Variants in SPAG7 observed in about 807,000 individuals in gnomAD.
The protein encoded by SPAG7 is sperm-associated antigen 7.
A neutral mutation model predicts 30.6 loss-of-function variants in SPAG7; 20 were observed. The observed-to-expected ratio is 0.65, with a 90% CI of 0.46 to 0.95. SPAG7 has a LOEUF of 0.95. Among genes scored for constraint, SPAG7 ranks in the 40% least tolerant of loss-of-function variants. The probability of loss-of-function intolerance (pLI) is 0.00; values close to 1 mark genes in which losing one functional copy is unlikely to be tolerated. For missense variants in SPAG7, 276 were observed against 291.1 expected (o/e 0.95, Z 0.38); for synonymous variants, 127 against 104.2 (o/e 1.22, Z -1.33).
Position 4,960,560 on chromosome 17 carries a change from G to T in SPAG7, c.154-13C>A. The T allele has an allele frequency of 1.3e-6, 2 of 1,595,462 alleles. No homozygotes were observed. The highest frequency in any genetic ancestry group is 1.7e-6 in the Non-Finnish European group (2 of 1,167,464). The stretch of plus-strand genomic sequence containing the variant: ...CCTCCTTCTCCATCTTGGGAGAGGG[G>T]AAAGGAAGCAGATATGAGACAATGG... On this transcript the variant is annotated splice_polypyrimidine_tract_variant and intron_variant, in intron 2 of 6. Transcript: ENST00000206020.
At chr17:4,962,617 C>T (rs960498750) in intron 1 of SPAG7, among the ~76,000 whole-genome samples, 2 of 151,832 alleles carry the variant, frequency 1.3e-5, no homozygotes, top group Non-Finnish European at 2.9e-5. Flanking sequence ...TGAGGTCTCA[C>T]TATGTTGCCC....
Position 4,967,088 on chromosome 17 carries a change from G to C in SPAG7, c.85+632C>G, listed in dbSNP as rs1277433811. ...CGCAGGCGGAGACAGTGGCCAATCG[G>C]ACCCGGCGGGTATTCTCATCCCTCC... On this transcript the variant is annotated intron_variant, in intron 1 of 6. Transcript: ENST00000206020. The C allele has an allele frequency of 2.1e-5, 21 of 985,536 alleles. No homozygotes were observed. In the South Asian group the frequency reaches 8.8e-4, roughly 41 times the overall value. 61.0% of individuals were successfully genotyped at this position (985,536 alleles called of 1,614,324 possible).
At chr17:4,963,790 G>T (rs936297550) in intron 1 of SPAG7, among the ~76,000 whole-genome samples, 3 of 151,994 alleles carry the variant, frequency 2.0e-5, no homozygotes, top group Non-Finnish European at 2.9e-5. Context: ...TCTATATTTT[G>T]TAAAATCCCC....
At position 4,960,089 on chromosome 17, in the gene SPAG7, T is replaced by C; in HGVS notation, c.350A>G (p.Glu117Gly). ...FKKEFAPSDE[E>G]LDSYRRGEEW... ...CTCTCCACGACGGTAAGAGTCTAGC[T>C]CTTCATCTGAGGGTGCAAACTCCTG... The change falls in exon 5 of 7, where the codon GAG (glutamate) becomes GGG (glycine). Residue 117 changes from glutamate to glycine, a missense_variant. Physicochemically the swap from Glu to Gly is moderately conservative, Grantham distance 98. Coordinates refer to ENST00000206020, the MANE Select transcript of SPAG7 (RefSeq NM_004890.3). The C allele has an allele frequency of 6.2e-7, 1 of 1,614,090 alleles. No individual in the cohort carries two copies. Among genetic ancestry groups the C allele is most frequent in the Non-Finnish European group, 8.5e-7 (1 of 1,179,930 alleles).
Position 4,960,032 on chromosome 17 carries a change from C to T in SPAG7, c.407G>A (p.Arg136Gln), listed in dbSNP as rs1971835129. 5.0e-6 allele frequency: 8 copies of T among 1,614,018 alleles called. No individual in the cohort carries two copies. Among genetic ancestry groups the T allele is most frequent in the African/African-American group, 4.0e-5 (3 of 74,924 alleles). ...CAAAGCATAGCTCACCTTCAGCTTCCGCTTCTCCTCAGCCTTCTGGGGGTC... is the reference window on the plus strand; with the variant it reads ...CAAAGCATAGCTCACCTTCAGCTTCTGCTTCTCCTCAGCCTTCTGGGGGTC... ...EWDPQKAEEK[R>Q]KLKELAQRQE... The change falls in exon 5 of 7, where the codon CGG (arginine) becomes CAG (glutamine). Residue 136 changes from arginine to glutamine, a missense_variant. Arg to Gln is a conservative substitution (Grantham distance 43). Coordinates refer to ENST00000206020, the MANE Select transcript of SPAG7 (RefSeq NM_004890.3).
chr17:4,960,572 A>G lies in SPAG7; in HGVS notation c.154-25T>C, dbSNP rs1447219924. 1.9e-6 allele frequency: 3 copies of G among 1,573,366 alleles called. 1 individual carries two copies. The highest frequency in any genetic ancestry group is 2.2e-5 in the South Asian group (2 of 89,482). On this transcript the variant is annotated intron_variant, in intron 2 of 6. Coordinates refer to ENST00000206020, the MANE Select transcript of SPAG7 (RefSeq NM_004890.3). ...TCTTGGGAGAGGGGAAAGGAAGCAG[A>G]TATGAGACAATGGCTCCACCCAAGT...
intron 1 of SPAG7, among the ~76,000 whole-genome samples, chr17:4,963,749 G>C (rs1971902978): frequency 1.3e-5 from 2 of 152,034 alleles, no homozygotes; most frequent in Admixed American, 1.3e-4. Context: ...GAGCCACCGT[G>C]CCCAGCTGGA....
At chr17:4,965,209 G>C (rs1425931707) in intron 1 of SPAG7, among the ~76,000 whole-genome samples, 1 of 151,648 alleles carries the variant, frequency 6.6e-6, no homozygotes, top group Non-Finnish European at 1.5e-5. Flanking sequence ...CACCACGCCC[G>C]CCCATTTTTT....
At chr17:4,965,567 C>T (rs1256420196) in intron 1 of SPAG7, among the ~76,000 whole-genome samples, 1 of 151,856 alleles carries the variant, frequency 6.6e-6, no homozygotes, top group Non-Finnish European at 1.5e-5. Context: ...AGGGCAGGGA[C>T]CCTGTTGATC....
intron 1 of SPAG7, chr17:4,966,513 C>T: frequency 1.2e-6 from 1 of 860,020 alleles, no homozygotes; most frequent in Non-Finnish European, 1.4e-6. Flanking sequence ...TCCAGTTCCC[C>T]ATTCCCATCA....
rs552637161 is a variant in SPAG7 at position 4,966,617 on chromosome 17, G to C, written c.85+1103C>G. On this transcript the variant is annotated intron_variant, in intron 1 of 6. Coordinates refer to ENST00000206020, the MANE Select transcript of SPAG7 (RefSeq NM_004890.3). ...TTACGGAATTACCTGTTCTGATCTCGGCTCACTGCAGATTGGGGGAGAACC... is the reference window on the plus strand; with the variant it reads ...TTACGGAATTACCTGTTCTGATCTCCGCTCACTGCAGATTGGGGGAGAACC... 13 of 985,310 alleles carry C rather than the reference G, an allele frequency of 1.3e-5. No homozygotes were observed. The East Asian group carries it at 7.9e-4, about 60-fold the overall frequency. 61.0% of individuals were successfully genotyped at this position (985,310 alleles called of 1,614,324 possible).
At chr17:4,962,254 C>T (rs2151147849) in intron 1 of SPAG7, among the ~76,000 whole-genome samples, 1 of 152,322 alleles carries the variant, frequency 6.6e-6, no homozygotes, top group South Asian at 2.1e-4. Context: ...GCTGGGATTA[C>T]AGGCATGTGC....
rs1971994510 is a variant in SPAG7, at chr17:4,967,766, C to T, written c.39G>A (p.Glu13=). 6.2e-7 allele frequency: 1 copy of T among 1,613,988 alleles called. No individual in the cohort carries two copies. The highest frequency in any genetic ancestry group is 8.5e-7 in the Non-Finnish European group (1 of 1,179,992). ...CCTGGTCACCGAGGCTGGGTGGCTT[C>T]TCCATGGAGCTCAGGATGGAGCCCA... ...DLLGSILSSM[E]KPPSLGDQET... is the part of the protein sequence containing the mutation. The change falls in exon 1 of 7, where the codon GAG becomes GAA. Residue 13 remains glutamate, a synonymous_variant. Transcript: ENST00000206020.
chr17:4,960,593 C>A (rs1971846316), intron 2 of SPAG7, 46 bp from the exon 3 acceptor site: 4 of 1,504,800 alleles, frequency 2.7e-6, no homozygotes, highest in Admixed American at 1.8e-5. Flanking sequence ...TGGCTCCACC[C>A]AAGTACCCCT....
chr17:4,963,501 C>T (rs2151148338), intron 1 of SPAG7, among the ~76,000 whole-genome samples: 1 of 145,498 alleles, frequency 6.9e-6, no homozygotes, highest in African/African-American at 2.6e-5. Flanking sequence ...CTTTGTCGCC[C>T]AGGCTGGAGT....
intron 1 of SPAG7, chr17:4,966,418 C>T (rs1971952560): frequency 4.0e-6 from 1 of 251,802 alleles, no homozygotes; most frequent in African/African-American, 2.3e-5. Context: ...ACCATGTGAC[C>T]TCAGGCGAGT....
In SPAG7 at chr17:4,959,928, A is replaced by T. The variant is rs1971832917; in HGVS notation, c.418-12T>A. ...CTCTGGGCCAGCTCCTAGGGGTGAAAGTGGGGGCACTGGTGCTCAGGGCCC... is the reference window on the plus strand; with the variant it reads ...CTCTGGGCCAGCTCCTAGGGGTGAATGTGGGGGCACTGGTGCTCAGGGCCC... On this transcript the variant is annotated splice_polypyrimidine_tract_variant and intron_variant, in intron 5 of 6. Transcript: ENST00000206020. The T allele has an allele frequency of 1.2e-6, 2 of 1,612,946 alleles. No individual in the cohort carries two copies. Among genetic ancestry groups the T allele is most frequent in the Non-Finnish European group, 1.7e-6 (2 of 1,179,854 alleles).
chr17:4,966,510 C>T (rs1194567105), intron 1 of SPAG7: 55 of 850,418 alleles, frequency 6.5e-5, no homozygotes, highest in Non-Finnish European at 7.2e-5. Flanking sequence ...AATTCCAGTT[C>T]CCCATTCCCA....
Position 4,963,096 on chromosome 17 carries a change from TTAAA to T in SPAG7, c.86-2247_86-2244del, listed in dbSNP as rs531463514. 6.8e-3 allele frequency among the ~76,000 whole-genome samples: 1,030 copies of T among 152,090 alleles called. 7 individuals carry two copies. The highest frequency in any genetic ancestry group is 0.01 in the Non-Finnish European group (692 of 67,972). ...GTTAGTTCTTTGTACATTGTGGGCA[TTAAA>T]TAAATGTTTGGGCTGAGCGTGGTGG... On this transcript the variant is annotated intron_variant, in intron 1 of 6. Transcript: ENST00000206020.
Sources: gnomAD v4.1 joint callset for allele counts (sites outside exome capture counted in the v4.1 genomes callset) on GRCh38, gnomAD v4.1.1 for gene constraint, MANE v1.5 for transcripts, NCBI Gene and HGNC (gene_info 2026-07-23, HGNC 2026-07-21) for gene names.